PRUNE2: variants seen among roughly 807,000 people sequenced by gnomAD.
PRUNE2 encodes the protein protein prune homolog 2.
PRUNE2 carries 164 observed loss-of-function variants against 252.0 expected under a neutral mutation model. The observed-to-expected ratio is 0.65, with a 90% CI of 0.57 to 0.74. The LOEUF is 0.74. Ranked by LOEUF, PRUNE2 falls within the 30% of genes least tolerant of loss-of-function variation. PRUNE2 has a pLI of 0.00. For synonymous variants in PRUNE2, 1,292 were observed against 1,350.2 expected, an observed-to-expected ratio of 0.96 and a Z score of 0.94; for missense variants, 3,495 against 3,711.0, an observed-to-expected ratio of 0.94 and a Z score of 1.51.
chr9:76,709,245 A>C lies in PRUNE2; in HGVS notation c.3029T>G (p.Ile1010Ser), dbSNP rs1394460592. The C allele has an allele frequency of 6.4e-7, 1 of 1,552,064 alleles. No individual in the cohort carries two copies. The highest frequency in any genetic ancestry group is 1.1e-5 in the South Asian group (1 of 87,964). ...DGNSTAEETD[I>S]PPQSLQQSSR... ...TGACTGTTGCAGTGACTGAGGAGGAATGTCAGTCTCCTCTGCCGTGGAGTT... is the reference window on the plus strand; with the variant it reads ...TGACTGTTGCAGTGACTGAGGAGGACTGTCAGTCTCCTCTGCCGTGGAGTT... The change falls in exon 8 of 19, where the codon ATT becomes AGT. Residue 1010 changes from isoleucine to serine, a missense_variant. Ile to Ser is a moderately radical substitution (Grantham distance 142). Transcript: ENST00000376718.
intron 6 of PRUNE2, among the ~76,000 whole-genome samples, chr9:76,746,498 G>A (rs2050116754): frequency 6.6e-6 from 1 of 151,692 alleles, no homozygotes; most frequent in African/African-American, 2.4e-5. Flanking sequence ...GAGGTCAGGA[G>A]ATCGAGACCA....
At chr9:76,768,595 G>C (rs1440246135) in intron 6 of PRUNE2, among the ~76,000 whole-genome samples, 1 of 144,140 alleles carries the variant, frequency 6.9e-6, no homozygotes, top group African/African-American at 2.7e-5. Flanking sequence ...GTGTGTGTGT[G>C]TGTGTGTGTG....
chr9:76,788,016 G>C (rs1319595947), intron 6 of PRUNE2, among the ~76,000 whole-genome samples: 1 of 152,056 alleles, frequency 6.6e-6, no homozygotes, highest in Non-Finnish European at 1.5e-5. Context: ...CTTCCACCTA[G>C]CTTCTCCATC....
chr9:76,788,232 A>G, intron 6 of PRUNE2: 1 of 523,856 alleles, frequency 1.9e-6, no homozygotes, highest in Non-Finnish European at 3.3e-6. Flanking sequence ...TGAAGACATA[A>G]GAGTCAAAAC....
chr9:76,682,813 T>C (rs2043612235), intron 9 of PRUNE2, among the ~76,000 whole-genome samples: 1 of 151,130 alleles, frequency 6.6e-6, no homozygotes, highest in Admixed American at 6.6e-5. Flanking sequence ...AATATTTGTC[T>C]ATTCTTTATG....
chr9:76,750,525 T>G (rs1422910956), intron 6 of PRUNE2, among the ~76,000 whole-genome samples: 2 of 152,194 alleles, frequency 1.3e-5, no homozygotes, highest in Non-Finnish European at 2.9e-5. Context: ...TATCTCCCTG[T>G]CAGGGCCACA....
At chr9:76,797,669 G>GC (rs900403103) in intron 6 of PRUNE2, among the ~76,000 whole-genome samples, 1 of 150,018 alleles carries the variant, frequency 6.7e-6, no homozygotes, top group African/African-American at 2.5e-5. Context: ...ATCTTGAACC[G>GC]CCCCCCACCC....
intron 12 of PRUNE2, among the ~76,000 whole-genome samples, chr9:76,638,563 G>A (rs1173269965): frequency 6.6e-6 from 1 of 152,096 alleles, no homozygotes; most frequent in Non-Finnish European, 1.5e-5. Flanking sequence ...TTATATTGTT[G>A]TACATAGTTG....
intron 11 of PRUNE2, among the ~76,000 whole-genome samples, chr9:76,649,055 A>ATGTT (rs1223400216): frequency 6.6e-6 from 1 of 152,206 alleles, no homozygotes; most frequent in Non-Finnish European, 1.5e-5. Context: ...AGGAGGGTGA[A>ATGTT]TGTTTGTAGA....
At chr9:76,630,584 G>A (rs1012573288) in intron 15 of PRUNE2, among the ~76,000 whole-genome samples, 2 of 152,196 alleles carry the variant, frequency 1.3e-5, no homozygotes, top group Non-Finnish European at 2.9e-5. Flanking sequence ...GAGTGCAGTG[G>A]CACGATCTTG....
chr9:76,661,656 G>A (rs1353963060), intron 9 of PRUNE2, among the ~76,000 whole-genome samples: 1 of 152,198 alleles, frequency 6.6e-6, no homozygotes, highest in Non-Finnish European at 1.5e-5. Context: ...TGTAATAATT[G>A]AGAGCCAATG....
At chr9:76,885,793 G>A (rs574355734) in intron 1 of PRUNE2, among the ~76,000 whole-genome samples, 1 of 152,140 alleles carries the variant, frequency 6.6e-6, no homozygotes, top group East Asian at 1.9e-4. Context: ...GTGCAAAATG[G>A]GGATAACAGT....
intron 6 of PRUNE2, among the ~76,000 whole-genome samples, chr9:76,798,639 GAA>G (rs138854031): frequency 6.6e-6 from 1 of 150,936 alleles, no homozygotes; most frequent in African/African-American, 2.4e-5. Flanking sequence ...TGATTGCCAT[GAA>G]AAAAAAATGC....
At chr9:76,647,344 A>C (rs1307322498) in intron 11 of PRUNE2, among the ~76,000 whole-genome samples, 3 of 152,228 alleles carry the variant, frequency 2.0e-5, no homozygotes, top group Non-Finnish European at 4.4e-5. Flanking sequence ...TAAAATAATG[A>C]ATCTGGACCC....
At chr9:76,897,299 T>C (rs565560346) in intron 1 of PRUNE2, among the ~76,000 whole-genome samples, 54 of 150,904 alleles carry the variant, frequency 3.6e-4, no homozygotes, top group African/African-American at 1.2e-3. Flanking sequence ...GTGCTTATGG[T>C]ATGAGGAAGA....
rs1238207237 is a variant in PRUNE2, at chr9:76,711,339, T to G, written c.935A>C (p.Glu312Ala). Reference protein sequence around the residue: ...LCSQICCELEECQNPCLELEP... With the variant: ...LCSQICCELEACQNPCLELEP... Reference sequence around the variant, plus strand: ...CAGTTCTAGGCAAGGGTTCTGACACTCTTCCAGCTCACAGCAAATCTGTCG... The same window carrying G: ...CAGTTCTAGGCAAGGGTTCTGACACGCTTCCAGCTCACAGCAAATCTGTCG... Residue 312 changes from glutamate to alanine, a missense_variant, in exon 8 of 19, where the codon GAG becomes GCG. Coordinates refer to ENST00000376718, the MANE Select transcript of PRUNE2 (RefSeq NM_015225.3). 6.2e-7 allele frequency: 1 copy of G among 1,611,220 alleles called. No homozygotes were observed. Among genetic ancestry groups the G allele is most frequent in the African/African-American group, 1.3e-5 (1 of 74,884 alleles).
At chr9:76,869,697 G>A (rs925470210) in intron 1 of PRUNE2, among the ~76,000 whole-genome samples, 7 of 152,304 alleles carry the variant, frequency 4.6e-5, no homozygotes, top group African/African-American at 1.4e-4. Flanking sequence ...GATATAAACT[G>A]AGTATCATGC....
chr9:76,636,973 A>G (rs583418), intron 14 of PRUNE2, among the ~76,000 whole-genome samples: 112,412 of 145,368 alleles, frequency 0.77, 42,930 homozygotes, highest in Non-Finnish European at 0.83. Context: ...AACAACAAAA[A>G]TGTGTGTGTG....
chr9:76,670,698 G>C (rs1466185473), intron 9 of PRUNE2, among the ~76,000 whole-genome samples: 1 of 151,940 alleles, frequency 6.6e-6, no homozygotes, highest in Non-Finnish European at 1.5e-5. Context: ...CACGCAGCTG[G>C]AGATCTGAGA....
Sources: gnomAD v4.1 joint callset for allele counts (sites outside exome capture counted in the v4.1 genomes callset) on GRCh38, gnomAD v4.1.1 for gene constraint, MANE v1.5 for transcripts, NCBI Gene and HGNC (gene_info 2026-07-23, HGNC 2026-07-21) for gene names.